CYLD: variants seen among roughly 807,000 people sequenced by gnomAD.
CYLD encodes ubiquitin carboxyl-terminal hydrolase CYLD.
CYLD carries 26 observed loss-of-function variants against 104.5 expected under a neutral mutation model. The ratio of observed to expected loss-of-function variants is 0.25; its 90% confidence interval spans 0.18 to 0.35. The LOEUF (loss-of-function observed/expected upper bound fraction) is 0.35, where lower values mean the gene tolerates loss of function less well. Ranked by LOEUF, CYLD falls within the 10% of genes least tolerant of loss-of-function variation. The pLI is 1.00. For synonymous variants in CYLD, 385 were observed against 399.9 expected (o/e 0.96, Z 0.45); for missense variants, 703 against 1,136.1 (o/e 0.62, Z 5.48).
chr16:50,793,603 A>G lies in CYLD; in HGVS notation c.2408A>G (p.Tyr803Cys). The change falls in exon 17 of 19, where the codon TAC becomes TGC. Residue 803 changes from tyrosine (Y) to cysteine (C), a missense_variant. Transcript: ENST00000427738. ...GLAMYECREC[Y>C]DDPDISAGKI... is the part of the protein sequence containing the mutation. ...GCAATGTATGAGTGTAGAGAATGCT[A>G]CGACGATCCGGACATCTCAGCTGGA... is the stretch of plus-strand genomic sequence containing the variant. The G allele has an allele frequency of 6.2e-7, 1 of 1,614,126 alleles. No individual in the cohort carries two copies. Among genetic ancestry groups the G allele is most frequent in the Non-Finnish European group, 8.5e-7 (1 of 1,179,994 alleles).
chr16:50,796,277 G>T (rs769797630), intron 18 of CYLD, 47 bp from the exon 19 acceptor site: 6 of 1,581,976 alleles, frequency 3.8e-6, no homozygotes, highest in Non-Finnish European at 4.3e-6. Flanking sequence ...TGGCAAAAGG[G>T]TTTAGAACTT....
intron 5 of CYLD, among the ~76,000 whole-genome samples, chr16:50,762,079 T>C (rs1478056956): frequency 2.0e-5 from 3 of 152,200 alleles, no homozygotes; most frequent in East Asian, 1.9e-4. Context: ...CTGTATTGCA[T>C]TGTGGTGAGG....
Position 50,779,849 on chromosome 16 carries a change from A to T in CYLD, c.1323A>T (p.Ser441=), listed in dbSNP as rs368393884. The T allele has an allele frequency of 4.3e-6, 7 of 1,613,890 alleles. No homozygotes were observed. The highest frequency in any genetic ancestry group is 5.9e-6 in the Non-Finnish European group (7 of 1,179,980). Reference sequence around the variant, plus strand: ...TTGGCCACAGTCCACTTTCTCTGTCAGCCCAGTCTGTAATGGAAGAGCTAA... The same window carrying T: ...TTGGCCACAGTCCACTTTCTCTGTCTGCCCAGTCTGTAATGGAAGAGCTAA... ...GSIGHSPLSL[S]AQSVMEELNT... is the part of the protein sequence containing the mutation. The change falls in exon 9 of 19, where the codon TCA becomes TCT. Residue 441 remains serine, a synonymous_variant. Transcript: ENST00000427738.
chr16:50,786,781 A>T, intron 12 of CYLD, 74 bp from the exon 13 acceptor site: 4 of 1,138,994 alleles, frequency 3.5e-6, no homozygotes, highest in Non-Finnish European at 5.2e-6. Flanking sequence ...AAAGAAAAAA[A>T]GAAATATGTG....
chr16:50,771,518 C>T (rs527433824), intron 5 of CYLD, among the ~76,000 whole-genome samples: 1 of 152,120 alleles, frequency 6.6e-6, no homozygotes, highest in Non-Finnish European at 1.5e-5. Context: ...GTTGGGTACT[C>T]CCTAGGAGTA....
At chr16:50,757,352 A>G (rs937319467) in intron 5 of CYLD, among the ~76,000 whole-genome samples, 2 of 152,124 alleles carry the variant, frequency 1.3e-5, no homozygotes, top group African/African-American at 4.8e-5. Flanking sequence ...CTTTATTTCA[A>G]TTTTACTTCT....
At chr16:50,796,074 T>C (rs763628215) in intron 18 of CYLD, among the ~76,000 whole-genome samples, 1 of 152,116 alleles carries the variant, frequency 6.6e-6, no homozygotes, top group Non-Finnish European at 1.5e-5. Context: ...GGAAAGTAGG[T>C]TGGGGGCTTA....
intron 11 of CYLD, among the ~76,000 whole-genome samples, chr16:50,782,956 A>G (rs1290157139): frequency 1.7e-5 from 2 of 114,852 alleles, no homozygotes; most frequent in East Asian, 4.8e-4. Flanking sequence ...ACAGAGTCTC[A>G]CTCTGTCCCC....
chr16:50,765,564 A>C (rs1968410925), intron 5 of CYLD, among the ~76,000 whole-genome samples: 1 of 152,216 alleles, frequency 6.6e-6, no homozygotes, highest in Non-Finnish European at 1.5e-5. Flanking sequence ...CTCACTTTAA[A>C]TCAAAAGCTA....
intron 6 of CYLD, 81 bp from the exon 7 acceptor site, chr16:50,776,094 GTTTT>G: frequency 1.0e-6 from 1 of 998,246 alleles, no homozygotes; most frequent in Admixed American, 1.9e-5. Context: ...TGGAAAGAGG[GTTTT>G]TTTATTTTGT....
At chr16:50,764,432 TG>T (rs1442488712) in intron 5 of CYLD, among the ~76,000 whole-genome samples, 2 of 152,210 alleles carry the variant, frequency 1.3e-5, no homozygotes, top group East Asian at 3.8e-4. Flanking sequence ...TTGGGCATAA[TG>T]TTGTTTATAA....
At position 50,776,198 on chromosome 16, in the gene CYLD, G is replaced by A. The variant is rs769806863; in HGVS notation, c.942G>A (p.Arg314=). The change falls in exon 7 of 19, where the codon AGG becomes AGA. Residue 314 remains arginine (R), a synonymous_variant. Transcript: ENST00000427738. ...PALSESVTQE[R]RPPKLAFMSR... Reference sequence around the variant, plus strand: ...TTTCAGAGAGTGTGACGCAGGAAAGGAGGCCTCCCAAACTTGCCTTTATGT... The same window carrying A: ...TTTCAGAGAGTGTGACGCAGGAAAGAAGGCCTCCCAAACTTGCCTTTATGT... The A allele has an allele frequency of 3.7e-6, 6 of 1,613,216 alleles. No individual in the cohort carries two copies. In the South Asian group the frequency reaches 5.5e-5, roughly 15 times the overall value.
At chr16:50,775,968 T>G (rs998387233) in intron 6 of CYLD, among the ~76,000 whole-genome samples, 1 of 152,218 alleles carries the variant, frequency 6.6e-6, no homozygotes, top group Non-Finnish European at 1.5e-5. Context: ...GGTATTTTCT[T>G]ATAGAAATTA....
intron 5 of CYLD, among the ~76,000 whole-genome samples, chr16:50,760,981 TA>T (rs1361877505): frequency 1.3e-5 from 2 of 152,168 alleles, no homozygotes; most frequent in African/African-American, 2.4e-5. Context: ...ATCTGATAGA[TA>T]AAAAATATAT....
rs1971787548 is a variant in CYLD at position 50,794,539 on chromosome 16, G to A, written c.2686+111G>A. 9.7e-7 allele frequency: 1 copy of A among 1,034,128 alleles called. No individual in the cohort carries two copies. Among genetic ancestry groups the A allele is most frequent in the African/African-American group, 1.6e-5 (1 of 63,944 alleles). The allele number at this position is 1,034,128 out of a possible 1,614,324, so 64.1% of individuals were successfully genotyped here. On this transcript the variant is annotated intron_variant, in intron 18 of 18. Transcript: ENST00000427738. This position sits in a 1 kb window ranked among gnomAD's most constrained non-coding sequence, Gnocchi z 4.1. ...GATATTTTCTGAGAAAATCCTTTCAGGATTATTCTGGTGACAACAGTCTTA... is the reference window on the plus strand; with the variant it reads ...GATATTTTCTGAGAAAATCCTTTCAAGATTATTCTGGTGACAACAGTCTTA...
In CYLD at chr16:50,798,779, A is replaced by G. The variant is rs185590115; in HGVS notation, c.*2271A>G. ...CAAAAGTCAGGTGTGGAGACTGTTAAATGGGAGGGCCTCATCCATAAATGA... is the reference window on the plus strand; with the variant it reads ...CAAAAGTCAGGTGTGGAGACTGTTAGATGGGAGGGCCTCATCCATAAATGA... On this transcript the variant is annotated 3_prime_UTR_variant, in exon 19 of 19. Coordinates refer to ENST00000427738, the MANE Select transcript of CYLD (RefSeq NM_001378743.1). The G allele has an allele frequency of 4.3e-6, 1 of 233,476 alleles. No homozygotes were observed. Among genetic ancestry groups the G allele is most frequent in the East Asian group, 6.0e-5 (1 of 16,736 alleles). The allele number at this position is 233,476 out of a possible 1,614,324, so 14.5% of individuals were successfully genotyped here.
intron 5 of CYLD, among the ~76,000 whole-genome samples, chr16:50,773,742 A>G (rs1969378733): frequency 6.6e-6 from 1 of 152,142 alleles, no homozygotes. Context: ...TTCATGACCC[A>G]AGTAGTTTTG....
At chr16:50,790,608 C>G (rs1465542649) in intron 14 of CYLD, among the ~76,000 whole-genome samples, 3 of 151,962 alleles carry the variant, frequency 2.0e-5, no homozygotes, top group Non-Finnish European at 4.4e-5. Flanking sequence ...TTGTGGGTCT[C>G]CAGAATCTCC....
intron 12 of CYLD, 57 bp downstream of exon 12, chr16:50,784,508 C>T (rs1263639844): frequency 2.6e-6 from 4 of 1,563,860 alleles, no homozygotes; most frequent in South Asian, 2.2e-5. Context: ...TTGCTGTTTT[C>T]TGGTATAGTA....
Sources: gnomAD v4.1 joint callset for allele counts (sites outside exome capture counted in the v4.1 genomes callset) on GRCh38, gnomAD v4.1.1 for gene constraint, Gnocchi (gnomAD v3.1) non-coding constraint, MANE v1.5 for transcripts, NCBI Gene and HGNC (gene_info 2026-07-23, HGNC 2026-07-21) for gene names.